ARHGAP39: variants seen among roughly 807,000 people sequenced by gnomAD.
ARHGAP39 encodes Rho GTPase activating protein 39.
ARHGAP39 carries 44 observed loss-of-function variants against 106.9 expected under a neutral mutation model. The ratio of observed to expected loss-of-function variants is 0.41; its 90% CI spans 0.32 to 0.53. ARHGAP39 has a LOEUF of 0.53. ARHGAP39 is among the 20% of genes least tolerant of loss of function. ARHGAP39 has a pLI of 0.21. For synonymous variants in ARHGAP39, 768 were observed against 693.2 expected, an observed-to-expected ratio of 1.11 and a Z score of -1.69; for missense variants, 1,496 against 1,577.3, an observed-to-expected ratio of 0.95 and a Z score of 0.87.
chr8:144,605,807 G>A (rs536874196), intron 1 of ARHGAP39, 112 bp from the exon 2 acceptor site: 10 of 621,738 alleles, frequency 1.6e-5, no homozygotes, highest in East Asian at 5.7e-5. Context: ...TGGACTCCAC[G>A]GCACCCGTGA....
intron 1 of ARHGAP39, among the ~76,000 whole-genome samples, chr8:144,610,719 A>T (rs1820462624): frequency 6.6e-6 from 1 of 152,036 alleles, no homozygotes. Context: ...CTCAAAAAAA[A>T]AAAATTTTTT....
rs1198019677 is a variant in ARHGAP39, at chr8:144,547,968, A to G, written c.1118T>C (p.Leu373Pro). 6.2e-7 allele frequency: 1 copy of G among 1,606,878 alleles called. No individual in the cohort carries two copies. The highest frequency in any genetic ancestry group is 2.2e-5 in the East Asian group (1 of 44,522). ...GCGCTCGGGACACTTCTGCTTGGTG[A>G]GCACCAGCTGCTGGCAGGGCGAGGG... ...GPPSPCQQLV[L>P]TKQKCPERFL... The change falls in exon 5 of 12, where the codon CTC becomes CCC. Residue 373 changes from leucine (L) to proline (P), a missense_variant. Physicochemically the swap from Leu to Pro is moderately conservative, Grantham distance 98. Coordinates refer to ENST00000377307, the MANE Select transcript of ARHGAP39 (RefSeq NM_025251.3). This position sits in a 1 kb window ranked among gnomAD's most constrained non-coding sequence, Gnocchi z 5.2.
chr8:144,601,154 CTGTG>C (rs535272371), intron 2 of ARHGAP39, among the ~76,000 whole-genome samples: 47 of 126,892 alleles, frequency 3.7e-4, no homozygotes, highest in African/African-American at 1.3e-3. Flanking sequence ...GCTCGTGTAC[CTGTG>C]TGTGTGCATG....
Position 144,548,317 on chromosome 8 carries a change from A to C in ARHGAP39, c.769T>G (p.Phe257Val). ...ATGGTGCCGTCAGCCTCCGGGGCGA[A>C]GGTCTGCAGGCTGGGTGAGTGCTGG... ...GSQHSPSLQT[F>V]APEADGTIFF... The change falls in exon 5 of 12, where the codon TTC (phenylalanine) becomes GTC (valine). Residue 257 changes from phenylalanine (F) to valine (V), a missense_variant. Physicochemically the swap from Phe to Val is conservative, Grantham distance 50. This residue lies in a region of ARHGAP39 where 905 missense variants were observed against 816.4 expected (regional missense o/e 1.11). Transcript: ENST00000377307. The surrounding 1 kb of genome is among the most constrained non-coding windows in gnomAD (Gnocchi z 7.4). 6.2e-7 allele frequency: 1 copy of C among 1,608,262 alleles called. No individual in the cohort carries two copies. Among genetic ancestry groups the C allele is most frequent in the South Asian group, 1.1e-5 (1 of 90,614 alleles).
At chr8:144,562,248 T>A (rs1476497614) in intron 3 of ARHGAP39, among the ~76,000 whole-genome samples, 1 of 79,220 alleles carries the variant, frequency 1.3e-5, no homozygotes, top group African/African-American at 3.1e-5. Flanking sequence ...TCCATCACAC[T>A]CCAGTGGTTT....
At chr8:144,623,913 C>T (rs1326578701) in intron 1 of ARHGAP39, among the ~76,000 whole-genome samples, 4 of 152,228 alleles carry the variant, frequency 2.6e-5, no homozygotes, top group African/African-American at 7.2e-5. Flanking sequence ...GCTCTGCGCC[C>T]GCATCCCTCA....
chr8:144,547,285 G>C lies in ARHGAP39; in HGVS notation c.1801C>G (p.Arg601Gly). 1.2e-6 allele frequency: 2 copies of C among 1,612,094 alleles called. No homozygotes were observed. The highest frequency in any genetic ancestry group is 1.7e-6 in the Non-Finnish European group (2 of 1,179,694). The change falls in exon 5 of 12, where the codon CGG becomes GGG. Residue 601 changes from arginine (R) to glycine (G), a missense_variant. Coordinates refer to ENST00000377307, the MANE Select transcript of ARHGAP39 (RefSeq NM_025251.3). This position sits in a 1 kb window ranked among gnomAD's most constrained non-coding sequence, Gnocchi z 5.2. ...LPLPMPGPVV[R>G]AFSEDEALAQ... ...AGCGCCTCGTCCTCGCTGAAGGCCC[G>C]CACCACCGGCCCGGGCATGGGCAGT...
chr8:144,626,987 T>TC (rs1448449201), intron 1 of ARHGAP39, among the ~76,000 whole-genome samples: 1 of 152,042 alleles, frequency 6.6e-6, no homozygotes, highest in Non-Finnish European at 1.5e-5. Context: ...GCCATGTTTG[T>TC]CCCCCCTGGG....
chr8:144,551,789 C>T (rs1343148578), intron 4 of ARHGAP39, among the ~76,000 whole-genome samples: 4 of 152,210 alleles, frequency 2.6e-5, no homozygotes, highest in Admixed American at 6.5e-5. Context: ...CCCCGGCCCC[C>T]GGGAGCAAGC....
In ARHGAP39 at chr8:144,646,561, C is replaced by A. The variant is rs1034556049; in HGVS notation, c.-82+39125G>T. Among the ~76,000 whole-genome samples the A allele has an allele frequency of 9.2e-5, 14 of 152,336 alleles. No individual in the cohort carries two copies. Among genetic ancestry groups the A allele is most frequent in the African/African-American group, 3.4e-4 (14 of 41,576 alleles). The stretch of plus-strand genomic sequence containing the variant: ...CCTCTGAGAACAACTGGGGTGGGCA[C>A]AGGCTGGCGGGCATGGAAGCCTCGT... On this transcript the variant is annotated intron_variant, in intron 1 of 11. Coordinates refer to ENST00000377307, the MANE Select transcript of ARHGAP39 (RefSeq NM_025251.3). This position sits in a 1 kb window ranked among gnomAD's most constrained non-coding sequence, Gnocchi z 5.7.
At position 144,548,202 on chromosome 8, in the gene ARHGAP39, G is replaced by T. The variant is rs760703151; in HGVS notation, c.884C>A (p.Pro295His). The T allele has an allele frequency of 6.3e-7, 1 of 1,593,238 alleles. No individual in the cohort carries two copies. Among genetic ancestry groups the T allele is most frequent in the Non-Finnish European group, 8.6e-7 (1 of 1,168,862 alleles). ...GGAGGAGGGCTGCGAGTCCCCGGAG[G>T]GCTTTCGGGGCTGGGCCAGCAGCGG... ...SSPLLAQPRK[P>H]SGDSQPSSPR... Residue 295 changes from proline (P) to histidine (H), a missense_variant, in exon 5 of 12, where the codon CCC becomes CAC. Physicochemically the swap from Pro to His is moderately conservative, Grantham distance 77. This residue lies in a region of ARHGAP39 where 905 missense variants were observed against 816.4 expected (regional missense o/e 1.11). Coordinates refer to ENST00000377307, the MANE Select transcript of ARHGAP39 (RefSeq NM_025251.3). The surrounding 1 kb of genome is among the most constrained non-coding windows in gnomAD (Gnocchi z 7.4).
In ARHGAP39 at chr8:144,545,244, CT is replaced by C; in HGVS notation, c.2521+4del. On this transcript the variant is annotated splice_donor_region_variant and intron_variant, in intron 6 of 11. Transcript: ENST00000377307. ...GCTGGTGGCAAAGCCCGTGCATGGC[CT>C]TACCTTTAGTGTCATTGACGGGGTC... The C allele has an allele frequency of 6.6e-7, 1 of 1,521,290 alleles. No individual in the cohort carries two copies. Among genetic ancestry groups the C allele is most frequent in the Admixed American group, 2.0e-5 (1 of 50,846 alleles). The allele number at this position is 1,521,290 out of a possible 1,614,324, so 94.2% of individuals were successfully genotyped here.
rs1439966588 is a variant in ARHGAP39 at position 144,671,310 on chromosome 8, A to G, written c.-82+14376T>C. ...CATCAGAATGGGTCAAGGGTGGATA[A>G]TAACTTCACGTAAGTTCTGATGTTT... On this transcript the variant is annotated intron_variant, in intron 1 of 11. Transcript: ENST00000377307. This position sits in a 1 kb window ranked among gnomAD's most constrained non-coding sequence, Gnocchi z 4.5. 6.6e-6 allele frequency among the ~76,000 whole-genome samples: 1 copy of G among 152,250 alleles called. No individual in the cohort carries two copies. Among genetic ancestry groups the G allele is most frequent in the Non-Finnish European group, 1.5e-5 (1 of 68,044 alleles).
At chr8:144,611,310 T>G (rs192564454) in intron 1 of ARHGAP39, among the ~76,000 whole-genome samples, 4 of 152,360 alleles carry the variant, frequency 2.6e-5, no homozygotes, top group Admixed American at 2.6e-4. Context: ...TCTATCCTGG[T>G]AAATGTCCCG....
intron 1 of ARHGAP39, among the ~76,000 whole-genome samples, chr8:144,612,060 G>C (rs529794701): frequency 6.6e-6 from 1 of 151,572 alleles, no homozygotes; most frequent in Non-Finnish European, 1.5e-5. Context: ...TTGAACCCAA[G>C]AGGTCAAAGT....
chr8:144,663,725 C>T (rs1211383226), intron 1 of ARHGAP39, among the ~76,000 whole-genome samples: 1 of 152,228 alleles, frequency 6.6e-6, no homozygotes, highest in Non-Finnish European at 1.5e-5. Flanking sequence ...GACTCCCCAA[C>T]CGACACTCCA....
At position 144,591,261 on chromosome 8, in the gene ARHGAP39, G is replaced by A. The variant is rs563290606; in HGVS notation, c.81-9984C>T. Among the ~76,000 whole-genome samples the A allele has an allele frequency of 2.0e-5, 3 of 152,340 alleles. No homozygotes were observed. Among genetic ancestry groups the A allele is most frequent in the African/African-American group, 7.2e-5 (3 of 41,572 alleles). On this transcript the variant is annotated intron_variant, in intron 2 of 11. Transcript: ENST00000377307. The surrounding 1 kb of genome is among the most constrained non-coding windows in gnomAD (Gnocchi z 5.3). ...TCTGTGCTCCCGTGAGCACAGACCT[G>A]CAGGGGAGGGTGGCGCGTGTGAGGA...
upstream of ARHGAP39, among the ~76,000 whole-genome samples, chr8:144,686,758 C>G (rs1406358367): frequency 6.6e-6 from 1 of 152,226 alleles, no homozygotes; most frequent in Admixed American, 6.5e-5. Context: ...TTTTCGCCTC[C>G]CGCTCCCTCT....
At chr8:144,579,201 CAAAAA>C (rs541332282) in intron 3 of ARHGAP39, among the ~76,000 whole-genome samples, 17 of 39,902 alleles carry the variant, frequency 4.3e-4, no homozygotes, top group Admixed American at 1.1e-3. Flanking sequence ...GACTCTGTCT[CAAAAA>C]AAAAAAAAAA....
Sources: gnomAD v4.1 joint callset for allele counts (sites outside exome capture counted in the v4.1 genomes callset) on GRCh38, gnomAD v4.1.1 for gene constraint, gnomAD v4.1.1 regional missense constraint, Gnocchi (gnomAD v3.1) non-coding constraint, MANE v1.5 for transcripts, NCBI Gene and HGNC (gene_info 2026-07-23, HGNC 2026-07-21) for gene names.